DPYD: variants seen among roughly 807,000 people sequenced by gnomAD.
DPYD encodes dihydropyrimidine dehydrogenase [NADP(+)].
Under a neutral mutation model 116.2 loss-of-function variants are expected in DPYD, and 109 were observed. That is an observed-to-expected ratio of 0.94 (90% confidence interval 0.80 to 1.10). The LOEUF (loss-of-function observed/expected upper bound fraction) is 1.10, where lower values mean the gene tolerates loss of function less well. Among genes scored for constraint, DPYD ranks in the 50% least tolerant of loss-of-function variants. The probability of loss-of-function intolerance (pLI) is 0.00; values close to 1 mark genes in which losing one functional copy is unlikely to be tolerated. For synonymous variants in DPYD, 440 were observed against 432.0 expected, an observed-to-expected ratio of 1.02 and a Z score of -0.23; for missense variants, 1,302 against 1,254.5, an observed-to-expected ratio of 1.04 and a Z score of -0.57.
intron 1 of DPYD, among the ~76,000 whole-genome samples, chr1:97,884,568 G>T (rs536056034): frequency 3.9e-4 from 60 of 152,140 alleles, no homozygotes; most frequent in African/African-American, 1.4e-3. Context: ...GATTGTATTA[G>T]AAATCATTCC....
At chr1:97,563,669 A>T (rs1171076898) in intron 11 of DPYD, among the ~76,000 whole-genome samples, 5 of 152,212 alleles carry the variant, frequency 3.3e-5, no homozygotes, top group Non-Finnish European at 7.3e-5. Flanking sequence ...AAACAAACCT[A>T]TTCCTATGCA....
chr1:97,544,276 C>T (rs1242922593), intron 12 of DPYD, among the ~76,000 whole-genome samples: 1 of 152,086 alleles, frequency 6.6e-6, no homozygotes, highest in African/African-American at 2.4e-5. Context: ...TTAGCCTTAT[C>T]GCTGCTTAGC....
chr1:97,882,555 T>G (rs747680658), intron 2 of DPYD, among the ~76,000 whole-genome samples: 17 of 152,002 alleles, frequency 1.1e-4, no homozygotes, highest in Admixed American at 7.9e-4. Flanking sequence ...TCTGGGGAAA[T>G]CAGATAAAAA....
chr1:97,104,824 T>G (rs1043366659), intron 20 of DPYD, among the ~76,000 whole-genome samples: 1 of 152,126 alleles, frequency 6.6e-6, no homozygotes, highest in African/African-American at 2.4e-5. Context: ...GAACACATTT[T>G]GTTGTGAAGT....
At chr1:97,823,392 A>C (rs999665971) in intron 3 of DPYD, among the ~76,000 whole-genome samples, 1 of 151,888 alleles carries the variant, frequency 6.6e-6, no homozygotes, top group African/African-American at 2.4e-5. Flanking sequence ...CTGTGACAAC[A>C]CTCCAAATTT....
At chr1:97,598,707 A>T (rs1215770149) in intron 8 of DPYD, among the ~76,000 whole-genome samples, 2 of 152,210 alleles carry the variant, frequency 1.3e-5, no homozygotes, top group South Asian at 4.1e-4. Flanking sequence ...GACTACAGAC[A>T]CTACTCTAAA....
intron 13 of DPYD, among the ~76,000 whole-genome samples, chr1:97,510,885 TA>T (rs1355373289): frequency 6.6e-6 from 1 of 151,940 alleles, no homozygotes; most frequent in African/African-American, 2.4e-5. Flanking sequence ...TTATCAAACC[TA>T]AACCAGCCAC....
intron 16 of DPYD, among the ~76,000 whole-genome samples, chr1:97,363,178 T>G (rs891003691): frequency 1.3e-5 from 2 of 152,180 alleles, no homozygotes; most frequent in Admixed American, 6.5e-5. Flanking sequence ...AAGACACTTA[T>G]GCAGCCACAG....
At chr1:97,604,352 TC>T (rs1655449577) in intron 8 of DPYD, among the ~76,000 whole-genome samples, 1 of 152,122 alleles carries the variant, frequency 6.6e-6, no homozygotes, top group African/African-American at 2.4e-5. Context: ...ATAAAATAGC[TC>T]TGTCATACTG....
At chr1:97,477,393 T>C (rs556241393) in intron 13 of DPYD, among the ~76,000 whole-genome samples, 1 of 152,336 alleles carries the variant, frequency 6.6e-6, no homozygotes, top group South Asian at 2.1e-4. Context: ...TTGCTATTTC[T>C]AACATATCTT....
At chr1:97,736,937 T>C (rs1440552436) in intron 4 of DPYD, among the ~76,000 whole-genome samples, 2 of 151,678 alleles carry the variant, frequency 1.3e-5, no homozygotes, top group Admixed American at 1.3e-4. Flanking sequence ...CCAATTAATT[T>C]AGAACACTGA....
intron 8 of DPYD, among the ~76,000 whole-genome samples, chr1:97,602,358 C>T (rs1382959383): frequency 6.6e-6 from 1 of 151,886 alleles, no homozygotes; most frequent in Non-Finnish European, 1.5e-5. Flanking sequence ...CATGTTAGAA[C>T]TTATATCAGA....
At chr1:97,120,838 A>G (rs1394129522) in intron 20 of DPYD, among the ~76,000 whole-genome samples, 4 of 152,192 alleles carry the variant, frequency 2.6e-5, no homozygotes, top group African/African-American at 4.8e-5. Flanking sequence ...CTGGGACCAC[A>G]GTGTTAGTTA....
intron 16 of DPYD, among the ~76,000 whole-genome samples, chr1:97,332,383 C>T (rs1336911207): frequency 2.0e-5 from 3 of 152,184 alleles, no homozygotes; most frequent in Non-Finnish European, 2.9e-5. Context: ...ATTAAACACA[C>T]ACGCATATAT....
chr1:97,200,976 C>G (rs1302069169), intron 19 of DPYD, among the ~76,000 whole-genome samples: 1 of 152,068 alleles, frequency 6.6e-6, no homozygotes, highest in Admixed American at 6.6e-5. Context: ...GAATGCAGTG[C>G]CCAAAATCAA....
In DPYD at chr1:97,084,310, A is replaced by G. The variant is rs142568378; in HGVS notation, c.2767-1840T>C. On this transcript the variant is annotated intron_variant, in intron 21 of 22. Coordinates refer to ENST00000370192, the MANE Select transcript of DPYD (RefSeq NM_000110.4). ...TCTGTCTAAGATACCTTTCATTCCTAACTCCACTTTGCAAAATCCCAAGCA... is the reference window on the plus strand; with the variant it reads ...TCTGTCTAAGATACCTTTCATTCCTGACTCCACTTTGCAAAATCCCAAGCA... 6.6e-5 allele frequency among the ~76,000 whole-genome samples: 10 copies of G among 151,364 alleles called. No individual in the cohort carries two copies. The East Asian group carries it at 1.4e-3, about 21-fold the overall frequency.
At chr1:97,730,145 A>G (rs951906276) in intron 4 of DPYD, among the ~76,000 whole-genome samples, 1 of 152,128 alleles carries the variant, frequency 6.6e-6, no homozygotes, top group African/African-American at 2.4e-5. Context: ...GTCAGAGATC[A>G]TGTCTAATCA....
intron 13 of DPYD, among the ~76,000 whole-genome samples, chr1:97,489,759 T>C (rs1331183162): frequency 6.6e-6 from 1 of 152,188 alleles, no homozygotes; most frequent in East Asian, 1.9e-4. Context: ...TCCTATTTCA[T>C]TATAATAATT....
intron 10 of DPYD, among the ~76,000 whole-genome samples, chr1:97,581,048 T>A (rs1653626489): frequency 6.6e-6 from 1 of 151,894 alleles, no homozygotes; most frequent in African/African-American, 2.4e-5. Context: ...AGGAGCCTGA[T>A]TAAAATTTGG....
Sources: allele counts gnomAD v4.1 joint callset (sites outside exome capture counted in the v4.1 genomes callset), GRCh38; gene constraint gnomAD v4.1.1; transcripts MANE v1.5; gene names NCBI Gene and HGNC (gene_info 2026-07-23, HGNC 2026-07-21).